LINGO2: variants seen among roughly 807,000 people sequenced by gnomAD.
The protein encoded by LINGO2 is leucine rich repeat and Ig domain containing 2, also known as leucine-rich repeat and immunoglobulin-like domain-containing nogo receptor-interacting protein 2.
A neutral mutation model predicts 30.6 loss-of-function variants in LINGO2; 14 were observed. The ratio of observed to expected loss-of-function variants is 0.46; its 90% CI spans 0.30 to 0.72. LINGO2 has a LOEUF of 0.72. Ranked by LOEUF, LINGO2 falls within the 30% of genes least tolerant of loss-of-function variation. LINGO2 has a pLI of 0.07. For synonymous variants in LINGO2, 317 were observed against 288.5 expected, an observed-to-expected ratio of 1.10 and a Z score of -1.00; for missense variants, 729 against 751.7, an observed-to-expected ratio of 0.97 and a Z score of 0.35.
chr9:27,995,237 G>C (rs1821599848), intron 5 of LINGO2, among the ~76,000 whole-genome samples: 1 of 151,986 alleles, frequency 6.6e-6, no homozygotes, highest in South Asian at 2.1e-4. Flanking sequence ...ATGAGATAGA[G>C]GTGGTAATAA....
intron 1 of LINGO2, among the ~76,000 whole-genome samples, chr9:28,577,959 T>G (rs999140378): frequency 2.0e-4 from 31 of 152,124 alleles, no homozygotes; most frequent in Non-Finnish European, 5.9e-5. Context: ...CTAGAGAAAG[T>G]GACAGCATAT....
At chr9:29,069,835 A>C in the LINGO2 span, among the ~76,000 whole-genome samples, 1 of 152,052 alleles carries the variant, frequency 6.6e-6, no homozygotes, top group Non-Finnish European at 1.5e-5. Context: ...TTATTATTCT[A>C]TTTTTAATAG....
intron 2 of LINGO2, among the ~76,000 whole-genome samples, chr9:28,453,333 C>G (rs1194666335): frequency 2.6e-5 from 4 of 151,792 alleles, no homozygotes; most frequent in Admixed American, 2.6e-4. Flanking sequence ...ATAACAAATG[C>G]TCGGTTAATT....
chr9:28,775,511 G>T, the LINGO2 span, among the ~76,000 whole-genome samples: 5 of 152,052 alleles, frequency 3.3e-5, no homozygotes, highest in African/African-American at 1.2e-4. Flanking sequence ...ATAGTTCCCT[G>T]GTCAATTATG....
At chr9:28,659,550 T>C (rs78566634) in intron 1 of LINGO2, among the ~76,000 whole-genome samples, 25 of 151,900 alleles carry the variant, frequency 1.6e-4, no homozygotes, top group African/African-American at 5.8e-4. Context: ...TGGGATCAAG[T>C]CATCTTCCCA....
the LINGO2 span, among the ~76,000 whole-genome samples, chr9:28,682,132 G>A: frequency 6.6e-6 from 1 of 152,122 alleles, no homozygotes; most frequent in African/African-American, 2.4e-5. Context: ...TCCTGGAATT[G>A]CTGATTCTTG....
At chr9:28,236,008 C>G (rs1587290593) in intron 4 of LINGO2, among the ~76,000 whole-genome samples, 1 of 151,904 alleles carries the variant, frequency 6.6e-6, no homozygotes, top group Non-Finnish European at 1.5e-5. Context: ...AGATTTAGCC[C>G]AAATAAGACT....
the LINGO2 span, among the ~76,000 whole-genome samples, chr9:29,186,250 C>T: frequency 5.6e-4 from 85 of 152,112 alleles, no homozygotes; most frequent in Middle Eastern, 3.4e-3. Flanking sequence ...ACTTAAATTA[C>T]CATTAAACTC....
chr9:28,507,648 G>A (rs1030840189), intron 1 of LINGO2, among the ~76,000 whole-genome samples: 6 of 151,994 alleles, frequency 3.9e-5, no homozygotes, highest in Admixed American at 2.0e-4. Flanking sequence ...ATACATACAC[G>A]CCTACATATA....
At chr9:28,428,047 T>C (rs1470715083) in intron 2 of LINGO2, among the ~76,000 whole-genome samples, 2 of 152,144 alleles carry the variant, frequency 1.3e-5, no homozygotes, top group African/African-American at 4.8e-5. Flanking sequence ...CCCAGGACAG[T>C]AGCAGCATGA....
intron 4 of LINGO2, among the ~76,000 whole-genome samples, chr9:28,119,076 A>C (rs1827018246): frequency 6.6e-6 from 1 of 152,218 alleles, no homozygotes; most frequent in Non-Finnish European, 1.5e-5. Context: ...TGTGTTTTTA[A>C]AAAAGAAGCT....
chr9:28,818,889 C>G, the LINGO2 span, among the ~76,000 whole-genome samples: 1 of 152,264 alleles, frequency 6.6e-6, no homozygotes, highest in Middle Eastern at 3.4e-3. Context: ...CTGAAAAACA[C>G]TCTTACTAAT....
rs146843903 is a variant in LINGO2 at position 28,397,587 on chromosome 9, G to A, written c.-278-24719C>T. ...TTTTGAGACGGAGTCTCAGTCTGTCGCCCAGGGTGGAGTGCAGTGGTGCGA... is the reference window on the plus strand; with the variant it reads ...TTTTGAGACGGAGTCTCAGTCTGTCACCCAGGGTGGAGTGCAGTGGTGCGA... On this transcript the variant is annotated intron_variant, in intron 2 of 5. Transcript: ENST00000379992. Among the ~76,000 whole-genome samples, 746 of 129,870 alleles carry A rather than the reference G, an allele frequency of 5.7e-3. 22 individuals are homozygous for A. The East Asian group carries it at 0.1, about 18-fold the overall frequency. The allele number at this position is 129,870 out of a possible 152,430, so 85.2% of individuals were successfully genotyped here.
At chr9:28,598,659 C>T (rs1024361671) in intron 1 of LINGO2, 1 of 152,268 alleles carries the variant, frequency 6.6e-6, no homozygotes, top group African/African-American at 2.4e-5. Flanking sequence ...ATACAAGCCA[C>T]TCCAATCCTC....
At chr9:28,540,697 T>C (rs915666249) in intron 1 of LINGO2, among the ~76,000 whole-genome samples, 2 of 152,210 alleles carry the variant, frequency 1.3e-5, no homozygotes, top group African/African-American at 4.8e-5. Flanking sequence ...GACTTAGATA[T>C]AAAAATGTAT....
chr9:28,894,943 TA>T, the LINGO2 span, among the ~76,000 whole-genome samples: 2 of 152,108 alleles, frequency 1.3e-5, no homozygotes, highest in Admixed American at 6.6e-5. Flanking sequence ...ACAATAGATG[TA>T]AACTTATTCC....
chr9:28,345,301 A>G (rs1463479279), intron 3 of LINGO2, among the ~76,000 whole-genome samples: 1 of 152,072 alleles, frequency 6.6e-6, no homozygotes, highest in South Asian at 2.1e-4. Context: ...TAAGGGCCTA[A>G]GTGCATAATA....
chr9:28,556,363 G>C lies in LINGO2; in HGVS notation c.-364-80338C>G, dbSNP rs574114720. 3.0e-3 allele frequency among the ~76,000 whole-genome samples: 452 copies of C among 152,122 alleles called. 8 individuals carry two copies. The highest frequency in any genetic ancestry group is 0.01 in the African/African-American group (431 of 41,530). On this transcript the variant is annotated intron_variant, in intron 1 of 5. Coordinates refer to ENST00000379992, the Ensembl canonical transcript of LINGO2. ...CTTATACACCAACAACAGACAAACA[G>C]AGAGCCAAATCATTAGTGAACTCCC...
chr9:28,787,885 T>C, the LINGO2 span, among the ~76,000 whole-genome samples: 1 of 152,188 alleles, frequency 6.6e-6, no homozygotes, highest in Non-Finnish European at 1.5e-5. Context: ...CATTCTTGAT[T>C]CTTCAACACA....
Sources: gnomAD v4.1 joint callset for allele counts (sites outside exome capture counted in the v4.1 genomes callset) on GRCh38, gnomAD v4.1.1 for gene constraint, MANE v1.5 for transcripts, NCBI Gene and HGNC (gene_info 2026-07-23, HGNC 2026-07-21) for gene names.